The following KLF12 variants were observed in gnomAD, a reference collection of about 807,000 sequenced individuals.
KLF12 encodes the protein Krueppel-like factor 12.
In KLF12, 9 loss-of-function variants were observed where a neutral mutation model predicts 37.8. That is an observed-to-expected ratio of 0.24 (90% CI 0.14 to 0.42). KLF12 has a LOEUF of 0.42. Among genes scored for constraint, KLF12 ranks in the 10% least tolerant of loss-of-function variants. The pLI is 1.00. For synonymous variants in KLF12, 208 were observed against 202.1 expected (o/e 1.03, Z -0.25); for missense variants, 411 against 516.0 (o/e 0.80, Z 1.97).
chr13:73,772,918 C>T (rs1051624800), intron 5 of KLF12, among the ~76,000 whole-genome samples: 1 of 151,972 alleles, frequency 6.6e-6, no homozygotes, highest in African/African-American at 2.4e-5. Flanking sequence ...ACAGATTAGG[C>T]GTATCTGCAG....
At chr13:73,989,939 G>A (rs181973802) in intron 2 of KLF12, among the ~76,000 whole-genome samples, 5 of 151,126 alleles carry the variant, frequency 3.3e-5, no homozygotes, top group East Asian at 3.9e-4. Flanking sequence ...AAAAGTTCAA[G>A]GCAGAGGTAC....
At chr13:73,789,220 A>G (rs1881520821) in intron 5 of KLF12, among the ~76,000 whole-genome samples, 1 of 152,216 alleles carries the variant, frequency 6.6e-6, no homozygotes, top group African/African-American at 2.4e-5. Context: ...CTGCTGGACC[A>G]TGGTGATACT....
the KLF12 span, among the ~76,000 whole-genome samples, chr13:74,195,737 T>G: frequency 2.0e-5 from 3 of 152,108 alleles, no homozygotes; most frequent in Non-Finnish European, 4.4e-5. Flanking sequence ...TAGTTGGGAT[T>G]ATAGGCACAC....
chr13:73,858,190 A>G (rs1885707168), intron 3 of KLF12, among the ~76,000 whole-genome samples: 1 of 152,172 alleles, frequency 6.6e-6, no homozygotes, highest in Non-Finnish European at 1.5e-5. Flanking sequence ...GAAATCTAAA[A>G]GGGGAGCAGA....
chr13:73,987,436 GAC>G (rs1891852673), intron 2 of KLF12, among the ~76,000 whole-genome samples: 1 of 151,988 alleles, frequency 6.6e-6, no homozygotes, highest in African/African-American at 2.4e-5. Context: ...ATATTTGAAA[GAC>G]ACTTGTATCA....
At chr13:74,196,191 G>C in the KLF12 span, among the ~76,000 whole-genome samples, 1 of 152,124 alleles carries the variant, frequency 6.6e-6, no homozygotes, top group Non-Finnish European at 1.5e-5. Flanking sequence ...TATTTGGTAT[G>C]TTGGATATCT....
At chr13:74,247,895 A>G in the KLF12 span, among the ~76,000 whole-genome samples, 7 of 152,336 alleles carry the variant, frequency 4.6e-5, no homozygotes, top group African/African-American at 4.8e-5. Flanking sequence ...GGAGAGGATC[A>G]CAGAAGCTAA....
chr13:74,142,641 G>A, the KLF12 span, among the ~76,000 whole-genome samples: 2 of 152,140 alleles, frequency 1.3e-5, no homozygotes, highest in South Asian at 4.1e-4. Flanking sequence ...TCAGCACATA[G>A]CAAGTCCTCA....
At chr13:73,883,341 T>C (rs1053807352) in intron 3 of KLF12, among the ~76,000 whole-genome samples, 8 of 152,304 alleles carry the variant, frequency 5.3e-5, no homozygotes, top group African/African-American at 1.7e-4. Context: ...TAGGAATGCG[T>C]GGCACAGTAC....
At chr13:74,161,017 A>C in the KLF12 span, among the ~76,000 whole-genome samples, 1 of 151,932 alleles carries the variant, frequency 6.6e-6, no homozygotes, top group South Asian at 2.1e-4. Flanking sequence ...GGAGGTGTCC[A>C]TAGGATGGAG....
the KLF12 span, among the ~76,000 whole-genome samples, chr13:74,166,015 A>G: frequency 7.9e-5 from 12 of 152,060 alleles, no homozygotes; most frequent in African/African-American, 2.7e-4. Flanking sequence ...AAATCTGGAG[A>G]AAGTGTTTAA....
chr13:74,184,639 T>A, the KLF12 span, among the ~76,000 whole-genome samples: 1 of 152,170 alleles, frequency 6.6e-6, no homozygotes, highest in Admixed American at 6.5e-5. Context: ...TAAACCGTAA[T>A]TATGGAAAAC....
At chr13:73,983,703 T>G (rs1334216504) in intron 2 of KLF12, among the ~76,000 whole-genome samples, 1 of 151,974 alleles carries the variant, frequency 6.6e-6, no homozygotes, top group Non-Finnish European at 1.5e-5. Context: ...AAACTCTCAA[T>G]CACAAATCCC....
chr13:73,864,681 G>C (rs1167118916), intron 3 of KLF12, among the ~76,000 whole-genome samples: 1 of 151,984 alleles, frequency 6.6e-6, no homozygotes. Flanking sequence ...TAACTGCCTG[G>C]GTAAAATGTG....
the KLF12 span, among the ~76,000 whole-genome samples, chr13:74,255,153 C>T: frequency 2.0e-5 from 3 of 152,156 alleles, no homozygotes; most frequent in African/African-American, 7.2e-5. Flanking sequence ...TAAACTAATA[C>T]TTTAAGGAAG....
rs1566380473 is a variant in KLF12 at position 73,805,672 on chromosome 13, GGA to G, written c.806+7478_806+7479del. 9.8e-3 allele frequency among the ~76,000 whole-genome samples: 1,161 copies of G among 118,860 alleles called. 33 individuals carry two copies. The highest frequency in any genetic ancestry group is 0.016 in the Non-Finnish European group (861 of 54,776). The allele number at this position is 118,860 out of a possible 152,430, so 78.0% of individuals were successfully genotyped here. On this transcript the variant is annotated intron_variant, in intron 5 of 7. Coordinates refer to ENST00000377669, the MANE Select transcript of KLF12 (RefSeq NM_007249.5). ...AGGGAGGAAGGAAGGAAGGAAGGAA[GGA>G]AGGAAGGAAGGAAGGAAGGAAGGAA... is the stretch of plus-strand genomic sequence containing the variant.
At chr13:74,276,464 T>C in the KLF12 span, among the ~76,000 whole-genome samples, 2 of 152,194 alleles carry the variant, frequency 1.3e-5, no homozygotes, top group African/African-American at 4.8e-5. Flanking sequence ...TGAACAGGAA[T>C]TGAAATATAT....
intron 1 of KLF12, among the ~76,000 whole-genome samples, chr13:74,102,991 G>GT (rs1292895246): frequency 6.6e-6 from 1 of 152,076 alleles, no homozygotes; most frequent in Non-Finnish European, 1.5e-5. Context: ...CTATTCACCT[G>GT]TTTTTTTGAG....
chr13:74,141,556 A>T, the KLF12 span, among the ~76,000 whole-genome samples: 1 of 152,196 alleles, frequency 6.6e-6, no homozygotes, highest in African/African-American at 2.4e-5. Flanking sequence ...GTGAAACAAG[A>T]AATCGAAAAA....
Sources: gnomAD v4.1 joint callset for allele counts (sites outside exome capture counted in the v4.1 genomes callset) on GRCh38, gnomAD v4.1.1 for gene constraint, MANE v1.5 for transcripts, NCBI Gene and HGNC (gene_info 2026-07-23, HGNC 2026-07-21) for gene names.